Variants in GAB2 observed in about 807,000 individuals in gnomAD.
The protein encoded by GAB2 is GRB2 associated binding protein 2, also known as GRB2-associated-binding protein 2.
In GAB2, 26 loss-of-function variants were observed where a neutral mutation model predicts 65.5. The ratio of observed to expected loss-of-function variants is 0.40; its 90% CI spans 0.29 to 0.55. The LOEUF is 0.55. GAB2 is among the 20% of genes least tolerant of loss of function. The probability of loss-of-function intolerance (pLI) is 0.53; values close to 1 mark genes in which losing one functional copy is unlikely to be tolerated. For missense variants in GAB2, 884 were observed against 875.8 expected (o/e 1.01, Z -0.12); for synonymous variants, 321 against 329.6 (o/e 0.97, Z 0.28).
chr11:78,271,029 G>A (rs184418242), intron 2 of GAB2, among the ~76,000 whole-genome samples: 1 of 152,362 alleles, frequency 6.6e-6, no homozygotes, highest in Admixed American at 6.5e-5. Context: ...AATAAATGGA[G>A]GAGGGATGGG....
intron 1 of GAB2, among the ~76,000 whole-genome samples, chr11:78,314,524 TC>T (rs1855562227): frequency 6.6e-6 from 1 of 152,228 alleles, no homozygotes; most frequent in African/African-American, 2.4e-5. Flanking sequence ...TCAGCCAAAC[TC>T]CAACTTTGCT....
chr11:78,411,945 G>A (rs1316812842), intron 1 of GAB2, among the ~76,000 whole-genome samples: 3 of 151,870 alleles, frequency 2.0e-5, no homozygotes, highest in South Asian at 2.1e-4. Context: ...CAGGAGAATC[G>A]CTTGAACCTG....
At chr11:78,255,030 G>T (rs763176875) in intron 2 of GAB2, among the ~76,000 whole-genome samples, 2 of 152,052 alleles carry the variant, frequency 1.3e-5, no homozygotes, top group African/African-American at 4.8e-5. Flanking sequence ...TGAAAATAGC[G>T]TCTCTGTACA....
At chr11:78,416,951 A>G (rs1273598594) in intron 1 of GAB2, among the ~76,000 whole-genome samples, 1 of 152,120 alleles carries the variant, frequency 6.6e-6, no homozygotes, top group Non-Finnish European at 1.5e-5. Flanking sequence ...CCGACCCCAG[A>G]CACCCGGGAG....
At chr11:78,254,704 TG>T (rs1196122253) in intron 2 of GAB2, among the ~76,000 whole-genome samples, 1 of 151,490 alleles carries the variant, frequency 6.6e-6, no homozygotes, top group Non-Finnish European at 1.5e-5. Flanking sequence ...GAGGCTGAGG[TG>T]GGAAGACTGC....
Position 78,337,757 on chromosome 11 carries a change from C to T in GAB2, c.76-56856G>A, listed in dbSNP as rs142110817. ...TCCGTAAGACACATTCTGTGTAGAT[C>T]CTGTAATTAAGGAGTTCCAAACTTA... is the stretch of plus-strand genomic sequence containing the variant. On this transcript the variant is annotated intron_variant, in intron 1 of 9. Coordinates refer to ENST00000361507, the MANE Select transcript of GAB2 (RefSeq NM_080491.3). 3.4e-3 allele frequency among the ~76,000 whole-genome samples: 509 copies of T among 148,892 alleles called. 2 individuals are homozygous for T. The highest frequency in any genetic ancestry group is 5.3e-3 in the Non-Finnish European group (357 of 66,816).
chr11:78,233,469 G>T (rs1468977624), intron 3 of GAB2, among the ~76,000 whole-genome samples: 2 of 152,006 alleles, frequency 1.3e-5, no homozygotes, highest in Non-Finnish European at 2.9e-5. Flanking sequence ...TTTTGTTGAA[G>T]AATCTATTCA....
Position 78,250,289 on chromosome 11 carries a change from T to A in GAB2, c.488A>T (p.His163Leu), listed in dbSNP as rs141613574. ...LRERKSSAPS[H>L]SSQPTLFTFE... ...CGTGAACAGAGTTGGCTGGCTGGAG[T>A]GTGATGGGGCTGAGGACTTGCGCTC... The change falls in exon 3 of 10, where the codon CAC becomes CTC. Residue 163 changes from histidine (H) to leucine (L), a missense_variant. By Grantham distance (99) the His-to-Leu change is moderately conservative (BLOSUM62 -3). Coordinates refer to ENST00000361507, the MANE Select transcript of GAB2 (RefSeq NM_080491.3). 2 of 1,611,862 alleles carry A rather than the reference T, an allele frequency of 1.2e-6. No homozygotes were observed. The highest frequency in any genetic ancestry group is 2.7e-5 in the African/African-American group (2 of 74,218).
intron 1 of GAB2, among the ~76,000 whole-genome samples, chr11:78,291,178 C>T (rs557478377): frequency 2.7e-5 from 4 of 150,414 alleles, no homozygotes; most frequent in East Asian, 3.9e-4. Context: ...CAAGGCTGGG[C>T]GTGGTGGCTC....
At chr11:78,235,715 A>G (rs1216547863) in intron 3 of GAB2, among the ~76,000 whole-genome samples, 3 of 152,134 alleles carry the variant, frequency 2.0e-5, no homozygotes, top group Non-Finnish European at 2.9e-5. Context: ...CAAGTTCCTC[A>G]TCTCCATCTG....
intron 1 of GAB2, among the ~76,000 whole-genome samples, chr11:78,318,388 C>CAAAAAAAAAAAAAAAAAAAAAAAAAAAA (rs1855658231): frequency 4.2e-5 from 1 of 23,682 alleles, no homozygotes; most frequent in African/African-American, 2.7e-4. Flanking sequence ...AAAAAAAAAG[C>CAAAAAAAAAAAAAAAAAAAAAAAAAAAA]TGTGAAAAGG....
intron 1 of GAB2, among the ~76,000 whole-genome samples, chr11:78,301,485 A>G (rs1867018024): frequency 6.6e-6 from 1 of 151,962 alleles, no homozygotes; most frequent in Admixed American, 6.6e-5. Context: ...ACCCACCATC[A>G]AGCCTGGCTA....
At chr11:78,353,688 TTTTAA>T (rs1353893989) in intron 1 of GAB2, among the ~76,000 whole-genome samples, 2 of 152,352 alleles carry the variant, frequency 1.3e-5, no homozygotes, top group Non-Finnish European at 2.9e-5. Context: ...TTTTACTTGG[TTTTAA>T]TTTATTAAAA....
At chr11:78,378,517 A>G (rs180887520) in intron 1 of GAB2, among the ~76,000 whole-genome samples, 2 of 148,962 alleles carry the variant, frequency 1.3e-5, no homozygotes, top group Non-Finnish European at 2.9e-5. Flanking sequence ...TCAAGATCCC[A>G]TTCAATTCTC....
intron 1 of GAB2, among the ~76,000 whole-genome samples, chr11:78,302,706 T>C (rs1200453235): frequency 6.6e-6 from 1 of 152,196 alleles, no homozygotes; most frequent in African/African-American, 2.4e-5. Context: ...GAAGCCATTA[T>C]ACAAAAAAGA....
chr11:78,220,244 G>C (rs1864353212), intron 9 of GAB2, 75 bp downstream of exon 9: 2 of 1,527,438 alleles, frequency 1.3e-6, no homozygotes, highest in African/African-American at 2.7e-5. Context: ...AGTGTTGAAG[G>C]CACCCTGGCC....
At chr11:78,277,797 C>G (rs1249474009) in intron 2 of GAB2, among the ~76,000 whole-genome samples, 3 of 152,250 alleles carry the variant, frequency 2.0e-5, no homozygotes, top group Non-Finnish European at 4.4e-5. Flanking sequence ...AAAGGTCAAA[C>G]AGTGCACTGA....
intron 1 of GAB2, among the ~76,000 whole-genome samples, chr11:78,343,239 C>T (rs1017621750): frequency 6.6e-6 from 1 of 152,090 alleles, no homozygotes; most frequent in Non-Finnish European, 1.5e-5. Flanking sequence ...AAGATAACCA[C>T]TGCACTGTTG....
intron 2 of GAB2, among the ~76,000 whole-genome samples, chr11:78,252,371 T>G (rs1453872025): frequency 6.6e-6 from 1 of 152,232 alleles, no homozygotes; most frequent in Non-Finnish European, 1.5e-5. Context: ...GATAGCTCAT[T>G]ACTCCATTAG....
Sources: allele counts gnomAD v4.1 joint callset (sites outside exome capture counted in the v4.1 genomes callset), GRCh38; gene constraint gnomAD v4.1.1; transcripts MANE v1.5; gene names NCBI Gene and HGNC (gene_info 2026-07-23, HGNC 2026-07-21).